The following ABCD3 variants were observed in gnomAD, a reference collection of about 807,000 sequenced individuals.
ABCD3 encodes ATP-binding cassette sub-family D member 3.
ABCD3 carries 41 observed loss-of-function variants against 105.5 expected under a neutral mutation model. The ratio of observed to expected loss-of-function variants is 0.39; its 90% CI spans 0.30 to 0.50. The LOEUF is 0.50. Among genes scored for constraint, ABCD3 ranks in the 20% least tolerant of loss-of-function variants. The probability of loss-of-function intolerance (pLI) is 0.84; values close to 1 mark genes in which losing one functional copy is unlikely to be tolerated. For synonymous variants in ABCD3, 258 were observed against 269.0 expected (o/e 0.96, Z 0.40); for missense variants, 622 against 806.3 (o/e 0.77, Z 2.77).
Position 94,432,407 on chromosome 1 carries a change from C to T in ABCD3, c.110+13819C>T, listed in dbSNP as rs572914097. ...GTAGGGAAAACAGCTTGCACAAAGG[C>T]ATGGAGTTAATGGAGTTATATTTGA... is the stretch of plus-strand genomic sequence containing the variant. On this transcript the variant is annotated intron_variant, in intron 1 of 22. Coordinates refer to ENST00000370214, the MANE Select transcript of ABCD3 (RefSeq NM_002858.4). Among the ~76,000 whole-genome samples the T allele has an allele frequency of 9.9e-5, 15 of 152,214 alleles. No individual in the cohort carries two copies. In the South Asian group the frequency reaches 2.9e-3, roughly 29 times the overall value.
At chr1:94,438,154 G>T (rs573367148) in intron 1 of ABCD3, among the ~76,000 whole-genome samples, 96 of 152,134 alleles carry the variant, frequency 6.3e-4, no homozygotes, top group African/African-American at 2.2e-3. Context: ...GGGTGTGGTG[G>T]CATGCGCCTG....
At chr1:94,409,467 A>C in the ABCD3 span, among the ~76,000 whole-genome samples, 11 of 152,352 alleles carry the variant, frequency 7.2e-5, no homozygotes, top group East Asian at 2.1e-3. Context: ...ACATTTTATA[A>C]CATAGGCAAT....
chr1:94,511,995 CAA>C (rs1650696210), intron 21 of ABCD3, among the ~76,000 whole-genome samples: 1 of 152,174 alleles, frequency 6.6e-6, no homozygotes, highest in Admixed American at 6.5e-5. Flanking sequence ...CTCAGCTCGT[CAA>C]AGTCATTCTC....
chr1:94,434,442 A>G (rs1659819214), intron 1 of ABCD3, among the ~76,000 whole-genome samples: 1 of 152,218 alleles, frequency 6.6e-6, no homozygotes, highest in South Asian at 2.1e-4. Context: ...ATTATTATCA[A>G]GCATTAAGTA....
At chr1:94,394,896 A>G in the ABCD3 span, among the ~76,000 whole-genome samples, 3 of 152,156 alleles carry the variant, frequency 2.0e-5, 1 homozygote. Context: ...TTAATTTTCA[A>G]TCGTGTCTAT....
intron 4 of ABCD3, chr1:94,472,390 G>A (rs1422263117): frequency 1.1e-5 from 2 of 176,142 alleles, no homozygotes; most frequent in African/African-American, 4.8e-5. Flanking sequence ...CTTAATGTCT[G>A]TAATATTCTT....
intron 22 of ABCD3, 137 bp from the exon 23 acceptor site, chr1:94,516,915 G>A (rs1033807137): frequency 1.5e-5 from 11 of 718,074 alleles, no homozygotes; most frequent in Non-Finnish European, 2.6e-5. Context: ...TGGAGTTACG[G>A]AAGCATTCTG....
At chr1:94,496,694 G>GGTTTTTTTTT (rs1302104709) in intron 16 of ABCD3, among the ~76,000 whole-genome samples, 1 of 39,368 alleles carries the variant, frequency 2.5e-5, no homozygotes, top group Non-Finnish European at 4.1e-5. Flanking sequence ...CCTTGTTTCT[G>GGTTTTTTTTT]TTTTTTTTTT....
chr1:94,421,265 A>G (rs1659248184), intron 1 of ABCD3, among the ~76,000 whole-genome samples: 1 of 152,156 alleles, frequency 6.6e-6, no homozygotes, highest in African/African-American at 2.4e-5. Flanking sequence ...ATTGAAATGT[A>G]CAAATATTAG....
chr1:94,467,898 A>T, intron 3 of ABCD3, 21 bp from the exon 4 acceptor site: 1 of 1,559,648 alleles, frequency 6.4e-7, no homozygotes, highest in Non-Finnish European at 8.8e-7. Context: ...TATTTAATTT[A>T]CTATACCTGG....
intron 1 of ABCD3, among the ~76,000 whole-genome samples, chr1:94,438,407 A>G (rs1659999161): frequency 1.3e-5 from 2 of 152,010 alleles, no homozygotes; most frequent in African/African-American, 2.4e-5. Context: ...CTTCAGATAG[A>G]ATCTACTCTT....
At chr1:94,453,347 G>A (rs1230220022) in intron 1 of ABCD3, among the ~76,000 whole-genome samples, 1 of 147,702 alleles carries the variant, frequency 6.8e-6, no homozygotes, top group African/African-American at 2.5e-5. Context: ...TTGAGATGGA[G>A]TCTCGCTGTC....
At chr1:94,469,264 T>C (rs1648321326) in intron 4 of ABCD3, among the ~76,000 whole-genome samples, 1 of 152,156 alleles carries the variant, frequency 6.6e-6, no homozygotes, top group South Asian at 2.1e-4. Flanking sequence ...ATTTCCTACT[T>C]TGGAAGGTGA....
chr1:94,445,362 C>T (rs1156735806), intron 1 of ABCD3, among the ~76,000 whole-genome samples: 3 of 152,252 alleles, frequency 2.0e-5, no homozygotes, highest in African/African-American at 7.2e-5. Context: ...GGTTGGAGAA[C>T]ATGGAACTAA....
chr1:94,410,020 C>T, the ABCD3 span, among the ~76,000 whole-genome samples: 12 of 152,158 alleles, frequency 7.9e-5, no homozygotes, highest in South Asian at 2.1e-4. Flanking sequence ...CATATACAGA[C>T]GGATGGCTGA....
chr1:94,465,022 G>C (rs558561606), intron 3 of ABCD3, 149 bp downstream of exon 3: 2 of 724,872 alleles, frequency 2.8e-6, no homozygotes, highest in East Asian at 5.4e-5. Context: ...TCCACTTCCG[G>C]GGAGGCCTCA....
chr1:94,511,464 T>C (rs1193808047), intron 21 of ABCD3, among the ~76,000 whole-genome samples: 1 of 152,158 alleles, frequency 6.6e-6, no homozygotes, highest in Non-Finnish European at 1.5e-5. Context: ...CTGACAATTA[T>C]GTGTCTTGGA....
chr1:94,411,985 A>T, the ABCD3 span, among the ~76,000 whole-genome samples: 2 of 152,196 alleles, frequency 1.3e-5, no homozygotes, highest in East Asian at 1.9e-4. Flanking sequence ...GTTGCCAGGG[A>T]CTACGGGGAG....
At chr1:94,504,118 G>T (rs190236795) in intron 20 of ABCD3, among the ~76,000 whole-genome samples, 2 of 151,740 alleles carry the variant, frequency 1.3e-5, no homozygotes, top group Non-Finnish European at 2.9e-5. Context: ...TCACTATGTT[G>T]GCCAGGCTTG....
Sources: allele counts gnomAD v4.1 joint callset (sites outside exome capture counted in the v4.1 genomes callset), GRCh38; gene constraint gnomAD v4.1.1; transcripts MANE v1.5; gene names NCBI Gene and HGNC (gene_info 2026-07-23, HGNC 2026-07-21).